The following CFAP299 variants were observed in gnomAD, a reference collection of about 807,000 sequenced individuals.
CFAP299 encodes cilia- and flagella-associated protein 299.
Under a neutral mutation model 27.0 loss-of-function variants are expected in CFAP299, and 21 were observed. The observed-to-expected ratio is 0.78, with a 90% CI of 0.55 to 1.12. The LOEUF is 1.12. Among genes scored for constraint, CFAP299 ranks in the 50% most tolerant of loss-of-function variants. CFAP299 has a pLI of 0.00. For synonymous variants in CFAP299, 104 were observed against 98.1 expected, an observed-to-expected ratio of 1.06 and a Z score of -0.36; for missense variants, 310 against 276.6, an observed-to-expected ratio of 1.12 and a Z score of -0.86.
chr4:80,755,250 T>C (rs972455365), intron 3 of CFAP299, among the ~76,000 whole-genome samples: 2 of 151,992 alleles, frequency 1.3e-5, no homozygotes, highest in African/African-American at 4.8e-5. Context: ...CAAGACACAT[T>C]AGGCTGCATG....
intron 3 of CFAP299, among the ~76,000 whole-genome samples, chr4:80,864,747 A>G (rs1018687343): frequency 1.3e-5 from 2 of 151,918 alleles, no homozygotes; most frequent in African/African-American, 4.8e-5. Flanking sequence ...AACTCTTAAC[A>G]TGCTACAAAT....
At chr4:80,600,031 G>C (rs993300862) in intron 3 of CFAP299, among the ~76,000 whole-genome samples, 5 of 151,852 alleles carry the variant, frequency 3.3e-5, no homozygotes, top group Admixed American at 6.6e-5. Flanking sequence ...TTAAAGTCAG[G>C]GTGTCCGAAT....
intron 1 of CFAP299, among the ~76,000 whole-genome samples, chr4:80,346,632 A>G (rs1722742257): frequency 1.3e-5 from 2 of 151,088 alleles, no homozygotes; most frequent in Admixed American, 6.6e-5. Context: ...CCCTTGGTCT[A>G]TATCTCTGTT....
At chr4:80,837,961 T>C (rs1450530827) in intron 3 of CFAP299, among the ~76,000 whole-genome samples, 1 of 152,198 alleles carries the variant, frequency 6.6e-6, no homozygotes, top group African/African-American at 2.4e-5. Context: ...ATGATTGCCA[T>C]TCTAACTGGC....
chr4:80,800,652 T>A, intron 3 of CFAP299, among the ~76,000 whole-genome samples: 1 of 86,850 alleles, frequency 1.2e-5, no homozygotes, highest in East Asian at 2.8e-4. Flanking sequence ...TATATTAATA[T>A]ATATATGATA....
chr4:80,716,490 AAC>A (rs1470753855), intron 3 of CFAP299, among the ~76,000 whole-genome samples: 1 of 151,870 alleles, frequency 6.6e-6, no homozygotes, highest in Non-Finnish European at 1.5e-5. Context: ...CCCATGGAAA[AAC>A]ACACACAATC....
intron 2 of CFAP299, among the ~76,000 whole-genome samples, chr4:80,390,632 T>C (rs192647328): frequency 6.2e-5 from 9 of 144,036 alleles, no homozygotes; most frequent in Admixed American, 7.1e-5. Flanking sequence ...TGTATATATG[T>C]ATACACATAT....
At chr4:80,739,351 G>C (rs947520758) in intron 3 of CFAP299, among the ~76,000 whole-genome samples, 5 of 152,030 alleles carry the variant, frequency 3.3e-5, no homozygotes, top group Non-Finnish European at 7.4e-5. Flanking sequence ...GTCAGGTCTG[G>C]TATTGATGAA....
intron 3 of CFAP299, among the ~76,000 whole-genome samples, chr4:80,696,309 A>G (rs1265824737): frequency 1.3e-4 from 16 of 123,354 alleles, no homozygotes; most frequent in South Asian, 3.1e-4. Flanking sequence ...AAAAAAAAAA[A>G]GAAGAAGTAG....
intron 3 of CFAP299, among the ~76,000 whole-genome samples, chr4:80,784,044 G>A (rs532717381): frequency 2.0e-5 from 3 of 152,112 alleles, no homozygotes; most frequent in East Asian, 1.9e-4. Flanking sequence ...CTTCAGGTTC[G>A]TCCCTGTTGG....
intron 2 of CFAP299, among the ~76,000 whole-genome samples, chr4:80,490,718 C>T (rs1232127878): frequency 6.6e-6 from 1 of 151,882 alleles, no homozygotes; most frequent in African/African-American, 2.4e-5. Context: ...CTTTACAAAA[C>T]ACATATATTT....
intron 3 of CFAP299, among the ~76,000 whole-genome samples, chr4:80,766,576 TTC>T (rs1725875316): frequency 6.6e-6 from 1 of 152,216 alleles, no homozygotes; most frequent in African/African-American, 2.4e-5. Context: ...AATATTATTC[TTC>T]TTTTACAGAG....
chr4:80,560,292 C>T (rs1211355485), intron 2 of CFAP299, among the ~76,000 whole-genome samples: 3 of 152,094 alleles, frequency 2.0e-5, no homozygotes, highest in African/African-American at 7.2e-5. Flanking sequence ...AGCCCCTGGG[C>T]TCTGAATACC....
intron 3 of CFAP299, among the ~76,000 whole-genome samples, chr4:80,832,260 T>A (rs1332558563): frequency 6.6e-6 from 1 of 152,202 alleles, no homozygotes; most frequent in Non-Finnish European, 1.5e-5. Context: ...TAGTCTGTGA[T>A]GTGCATCACG....
In CFAP299 at chr4:80,493,347, C is replaced by T. The variant is rs571080598; in HGVS notation, c.243-89746C>T. 1.1e-4 allele frequency among the ~76,000 whole-genome samples: 16 copies of T among 152,280 alleles called. No homozygotes were observed. In the East Asian group the frequency reaches 1.9e-3, roughly 18 times the overall value. ...GGAAGGGATTCTTATCCCTGATGCA[C>T]GTGGCCCCTGCTACTGTGTCATTCC... On this transcript the variant is annotated intron_variant, in intron 2 of 5. Coordinates refer to ENST00000358105, the MANE Select transcript of CFAP299 (RefSeq NM_152770.3).
chr4:80,862,099 G>T lies in CFAP299; in HGVS notation c.334-7894G>T, dbSNP rs189412807. On this transcript the variant is annotated intron_variant, in intron 3 of 5. Coordinates refer to ENST00000358105, the MANE Select transcript of CFAP299 (RefSeq NM_152770.3). ...AAATAAAGCCATTTAGTCAGGTGCA[G>T]TGGTTCATGCCTGTAATCCCAGCAC... Among the ~76,000 whole-genome samples the T allele has an allele frequency of 3.9e-3, 587 of 152,290 alleles. 1 individual carries two copies. Among genetic ancestry groups the T allele is most frequent in the Middle Eastern group, 0.014 (4 of 294 alleles).
At chr4:80,785,721 T>C (rs1363419805) in intron 3 of CFAP299, among the ~76,000 whole-genome samples, 1 of 152,152 alleles carries the variant, frequency 6.6e-6, no homozygotes, top group Admixed American at 6.5e-5. Flanking sequence ...ATAGATGTTC[T>C]CATCTATGAG....
intron 2 of CFAP299, among the ~76,000 whole-genome samples, chr4:80,576,848 A>G (rs894664966): frequency 3.9e-5 from 6 of 152,188 alleles, no homozygotes; most frequent in Non-Finnish European, 7.3e-5. Flanking sequence ...TATAGGCTAG[A>G]TTGGAGTTCT....
At chr4:80,469,706 T>A (rs1448369397) in intron 2 of CFAP299, among the ~76,000 whole-genome samples, 1 of 152,134 alleles carries the variant, frequency 6.6e-6, no homozygotes, top group African/African-American at 2.4e-5. Context: ...AAGGTATCCT[T>A]GTTCATTTTT....
Sources: gnomAD v4.1 joint callset for allele counts (sites outside exome capture counted in the v4.1 genomes callset) on GRCh38, gnomAD v4.1.1 for gene constraint, MANE v1.5 for transcripts, NCBI Gene and HGNC (gene_info 2026-07-23, HGNC 2026-07-21) for gene names.